The following CCDC30 variants were observed in gnomAD, a reference collection of about 807,000 sequenced individuals.
CCDC30 encodes coiled-coil domain containing 30, also known as coiled-coil domain-containing protein 30.
A neutral mutation model predicts 100.2 loss-of-function variants in CCDC30; 70 were observed. That is an observed-to-expected ratio of 0.70 (90% CI 0.58 to 0.85). The LOEUF is 0.85. CCDC30 is among the 40% of genes least tolerant of loss of function. CCDC30 has a pLI of 0.00. For synonymous variants in CCDC30, 233 were observed against 269.5 expected (o/e 0.86, Z 1.33); for missense variants, 652 against 771.2 (o/e 0.85, Z 1.83).
At chr1:42,487,110 C>CAAAAA (rs58763328) in intron 3 of CCDC30, among the ~76,000 whole-genome samples, 1 of 91,066 alleles carries the variant, frequency 1.1e-5, no homozygotes, top group Non-Finnish European at 2.2e-5. Context: ...TGCCCTGTCT[C>CAAAAA]AAAAAAAAAA....
intron 7 of CCDC30, among the ~76,000 whole-genome samples, chr1:42,575,538 T>C (rs1194771975): frequency 3.3e-5 from 5 of 150,460 alleles, no homozygotes. Flanking sequence ...TAGTCCCAGC[T>C]ACTCAGGAGG....
chr1:42,571,897 C>A (rs1390159779), intron 7 of CCDC30, among the ~76,000 whole-genome samples: 2 of 152,178 alleles, frequency 1.3e-5, no homozygotes, highest in South Asian at 4.1e-4. Flanking sequence ...GAGGGTTTAA[C>A]AGCACATTAT....
intron 10 of CCDC30, among the ~76,000 whole-genome samples, chr1:42,606,785 A>G (rs1646510887): frequency 6.6e-6 from 1 of 152,240 alleles, no homozygotes; most frequent in South Asian, 2.1e-4. Context: ...ATGACATTAC[A>G]ATAAAAAGCT....
At chr1:42,492,782 A>G (rs111938672) in intron 4 of CCDC30, among the ~76,000 whole-genome samples, 20,682 of 151,832 alleles carry the variant, frequency 0.14, 1,548 homozygotes, top group East Asian at 0.19. Context: ...GAGTAGCTGG[A>G]ATTACAGGAA....
At chr1:42,612,902 T>G (rs1208866028) in intron 11 of CCDC30, among the ~76,000 whole-genome samples, 1 of 152,200 alleles carries the variant, frequency 6.6e-6, no homozygotes, top group East Asian at 1.9e-4. Flanking sequence ...ATATTTTTAT[T>G]CAAAACAGTG....
intron 6 of CCDC30, among the ~76,000 whole-genome samples, chr1:42,560,663 C>A (rs72659989): frequency 0.14 from 20,632 of 151,900 alleles, 1,535 homozygotes; most frequent in East Asian, 0.17. Context: ...CCACTGCACC[C>A]GGCCCAGGAG....
chr1:42,516,740 C>T (rs1456926512), intron 6 of CCDC30, among the ~76,000 whole-genome samples: 1 of 152,090 alleles, frequency 6.6e-6, no homozygotes, highest in Non-Finnish European at 1.5e-5. Flanking sequence ...TTGCTAGCCA[C>T]CAGAAGCATG....
At chr1:42,643,301 C>A (rs1301261661) in intron 13 of CCDC30, among the ~76,000 whole-genome samples, 1 of 152,206 alleles carries the variant, frequency 6.6e-6, no homozygotes, top group African/African-American at 2.4e-5. Flanking sequence ...ACTCACTCAG[C>A]CCAGTCAGTG....
intron 11 of CCDC30, among the ~76,000 whole-genome samples, chr1:42,629,064 C>T (rs377620321): frequency 3.3e-5 from 5 of 152,314 alleles, no homozygotes; most frequent in Admixed American, 2.6e-4. Flanking sequence ...GTAGTTTACA[C>T]ACTACAGTTA....
chr1:42,491,163 A>T (rs1016523928), intron 4 of CCDC30, among the ~76,000 whole-genome samples: 17 of 152,256 alleles, frequency 1.1e-4, no homozygotes, highest in African/African-American at 3.9e-4. Flanking sequence ...TAATAGTACA[A>T]GTAAACAGAA....
At chr1:42,495,550 C>G (rs1458830528) in intron 4 of CCDC30, among the ~76,000 whole-genome samples, 1 of 150,568 alleles carries the variant, frequency 6.6e-6, no homozygotes, top group Admixed American at 6.6e-5. Flanking sequence ...AAAAAATTAG[C>G]CAGGTTTGGT....
rs759358633 is a variant in CCDC30, at chr1:42,556,457, G to A, written c.457-9839G>A. 4.6e-6 allele frequency: 7 copies of A among 1,519,358 alleles called. No homozygotes were observed. In the African/African-American group the frequency reaches 9.8e-5, roughly 21 times the overall value. The allele number at this position is 1,519,358 out of a possible 1,614,324, so 94.1% of individuals were successfully genotyped here. ...CTGGGTTCGTTTCCTCTGATTGGCT[G>A]TGGATATAAGCATCATTTTAAATAC... On this transcript the variant is annotated intron_variant, in intron 6 of 16. Coordinates refer to ENST00000668663, the Ensembl canonical transcript of CCDC30.
At chr1:42,533,460 A>G (rs1371666841) in intron 6 of CCDC30, among the ~76,000 whole-genome samples, 20 of 152,230 alleles carry the variant, frequency 1.3e-4, no homozygotes, top group Admixed American at 1.2e-3. Flanking sequence ...TTCCCATTAC[A>G]TATTTGTGAG....
intron 3 of CCDC30, among the ~76,000 whole-genome samples, chr1:42,484,231 G>A (rs574690275): frequency 6.6e-6 from 1 of 152,112 alleles, no homozygotes; most frequent in Non-Finnish European, 1.5e-5. Context: ...CATATCCCAT[G>A]TGGGTTGGTG....
intron 15 of CCDC30, among the ~76,000 whole-genome samples, chr1:42,647,335 G>A (rs1279329334): frequency 4.6e-5 from 7 of 152,068 alleles, no homozygotes; most frequent in South Asian, 2.1e-4. Flanking sequence ...GACTAAAAAC[G>A]ACAAGGGGGG....
intron 6 of CCDC30, among the ~76,000 whole-genome samples, chr1:42,550,385 C>T (rs534113383): frequency 3.3e-5 from 5 of 152,172 alleles, no homozygotes; most frequent in Non-Finnish European, 2.9e-5. Flanking sequence ...ATATTGTTCT[C>T]TCTCTTAAAA....
intron 6 of CCDC30, among the ~76,000 whole-genome samples, chr1:42,549,294 T>G (rs891388737): frequency 6.6e-6 from 1 of 152,222 alleles, no homozygotes; most frequent in Non-Finnish European, 1.5e-5. Flanking sequence ...GATATTTAGC[T>G]AAGTCTTCTT....
At chr1:42,612,645 A>C (rs1363703649) in intron 11 of CCDC30, among the ~76,000 whole-genome samples, 1 of 152,230 alleles carries the variant, frequency 6.6e-6, no homozygotes, top group Non-Finnish European at 1.5e-5. Context: ...GCAAATCATC[A>C]TTATCACTGT....
At chr1:42,626,955 G>A (rs957093402) in intron 11 of CCDC30, among the ~76,000 whole-genome samples, 2 of 152,260 alleles carry the variant, frequency 1.3e-5, no homozygotes, top group East Asian at 3.9e-4. Flanking sequence ...TTGGGGCATT[G>A]CTGAAAAAAT....
Sources: allele counts gnomAD v4.1 joint callset (sites outside exome capture counted in the v4.1 genomes callset), GRCh38; gene constraint gnomAD v4.1.1; transcripts MANE v1.5; gene names NCBI Gene and HGNC (gene_info 2026-07-23, HGNC 2026-07-21).